Variants in PRKN observed in about 807,000 individuals in gnomAD.
PRKN encodes E3 ubiquitin-protein ligase parkin.
PRKN carries 56 observed loss-of-function variants against 59.5 expected under a neutral mutation model. The ratio of observed to expected loss-of-function variants is 0.94; its 90% CI spans 0.76 to 1.18. The LOEUF (loss-of-function observed/expected upper bound fraction) is 1.18. Ranked by LOEUF, PRKN falls within the 50% of genes most tolerant of loss-of-function variation. The pLI, the probability that PRKN is intolerant of heterozygous loss-of-function variation, is 0.00. For missense variants in PRKN, 657 were observed against 596.4 expected (o/e 1.10, Z -1.06); for synonymous variants, 250 against 222.1 (o/e 1.13, Z -1.12).
chr6:161,485,132 T>A (rs1791590231), intron 9 of PRKN, among the ~76,000 whole-genome samples: 1 of 152,226 alleles, frequency 6.6e-6, no homozygotes, highest in South Asian at 2.1e-4. Context: ...ATAACAAACC[T>A]ATTAATATTC....
chr6:162,695,509 T>C (rs1475142899), intron 1 of PRKN, among the ~76,000 whole-genome samples: 1 of 152,170 alleles, frequency 6.6e-6, no homozygotes, highest in Non-Finnish European at 1.5e-5. Context: ...ACATTATATA[T>C]CTTTACTTAC....
intron 7 of PRKN, among the ~76,000 whole-genome samples, chr6:161,672,693 T>C (rs977707317): frequency 1.3e-5 from 2 of 152,108 alleles, no homozygotes; most frequent in Non-Finnish European, 2.9e-5. Flanking sequence ...GGAGAATCAC[T>C]TGAACCCGGG....
In PRKN at chr6:161,457,837, A is replaced by G. The variant is rs1790041093; in HGVS notation, c.1084-70960T>C. On this transcript the variant is annotated intron_variant, in intron 9 of 11. Coordinates refer to ENST00000366898, the MANE Select transcript of PRKN (RefSeq NM_004562.3). This position sits in a 1 kb window ranked among gnomAD's most constrained non-coding sequence, Gnocchi z 5.0. ...AGTCCAACATTTTGTAGATGACCGC[A>G]CATGTAAGTTAAAGAAATAGTGGCC... Among the ~76,000 whole-genome samples, 1 of 152,224 alleles carries G rather than the reference A, an allele frequency of 6.6e-6. No individual in the cohort carries two copies. The highest frequency in any genetic ancestry group is 2.4e-5 in the African/African-American group (1 of 41,462).
At chr6:162,091,883 AAT>A (rs1779510409) in intron 4 of PRKN, among the ~76,000 whole-genome samples, 1 of 152,082 alleles carries the variant, frequency 6.6e-6, no homozygotes, top group African/African-American at 2.4e-5. Context: ...AAAAATTACA[AAT>A]ATTAGCCGGG....
chr6:161,876,929 T>C (rs1794752467), intron 6 of PRKN, among the ~76,000 whole-genome samples: 1 of 152,190 alleles, frequency 6.6e-6, no homozygotes, highest in African/African-American at 2.4e-5. Context: ...AATTTAATTC[T>C]TATTGAAATA....
intron 7 of PRKN, among the ~76,000 whole-genome samples, chr6:161,590,087 G>C (rs577082005): frequency 7.2e-5 from 11 of 151,892 alleles, no homozygotes; most frequent in Non-Finnish European, 1.2e-4. Context: ...CTGTGCCTGG[G>C]CTAGAGTATT....
At chr6:162,709,901 T>C (rs1174585664) in intron 1 of PRKN, among the ~76,000 whole-genome samples, 3 of 120,444 alleles carry the variant, frequency 2.5e-5, no homozygotes, top group Non-Finnish European at 5.1e-5. Flanking sequence ...GACAGTGGGG[T>C]GTGGTGGGTG....
intron 6 of PRKN, among the ~76,000 whole-genome samples, chr6:161,915,459 T>A (rs9364626): frequency 0.54 from 82,208 of 151,932 alleles, 22,268 homozygotes; most frequent in Middle Eastern, 0.65. Flanking sequence ...AGGCTTGAAA[T>A]CCAAAATAGA....
rs372163340 is a variant in PRKN, at chr6:161,739,508, A to G, written c.871+46264T>C. On this transcript the variant is annotated intron_variant, in intron 7 of 11. Coordinates refer to ENST00000366898, the MANE Select transcript of PRKN (RefSeq NM_004562.3). ...AACGTATTTGCAATATAAAAACTGAAGAGGTGTAATAGCTATTCATACTTA... is the reference window on the plus strand; with the variant it reads ...AACGTATTTGCAATATAAAAACTGAGGAGGTGTAATAGCTATTCATACTTA... Among the ~76,000 whole-genome samples the G allele has an allele frequency of 4.8e-4, 73 of 152,304 alleles. 1 individual carries two copies. In the South Asian group the frequency reaches 0.015, roughly 31 times the overall value.
intron 1 of PRKN, among the ~76,000 whole-genome samples, chr6:162,679,365 A>G (rs1377423146): frequency 6.6e-6 from 1 of 152,104 alleles, no homozygotes; most frequent in Non-Finnish European, 1.5e-5. Flanking sequence ...CGGCCTCCCA[A>G]AATGCTAGAA....
intron 6 of PRKN, among the ~76,000 whole-genome samples, chr6:161,798,159 C>A (rs1333890666): frequency 6.6e-6 from 1 of 152,174 alleles, no homozygotes; most frequent in Non-Finnish European, 1.5e-5. Context: ...TGAGATCGCA[C>A]CACTGCACTC....
intron 7 of PRKN, among the ~76,000 whole-genome samples, chr6:161,650,901 G>T (rs911093837): frequency 6.6e-6 from 1 of 152,154 alleles, no homozygotes; most frequent in East Asian, 1.9e-4. Context: ...TCTAATAATG[G>T]TTATTTGTCA....
At chr6:161,837,810 T>C (rs1419451641) in intron 6 of PRKN, among the ~76,000 whole-genome samples, 1 of 152,212 alleles carries the variant, frequency 6.6e-6, no homozygotes, top group Admixed American at 6.5e-5. Context: ...CATCTGTAAT[T>C]TGCATTGTAT....
At chr6:162,213,866 T>C (rs117836461) in intron 3 of PRKN, among the ~76,000 whole-genome samples, 5,120 of 128,744 alleles carry the variant, frequency 0.04, 141 homozygotes, top group Middle Eastern at 0.12. Context: ...CACATATGAA[T>C]AGTAAGAAGT....
intron 1 of PRKN, among the ~76,000 whole-genome samples, chr6:162,640,671 C>T (rs1041604905): frequency 2.0e-5 from 3 of 152,158 alleles, no homozygotes; most frequent in Admixed American, 2.0e-4. Flanking sequence ...TAAAGTATGT[C>T]TGCTGCTGGA....
At chr6:162,126,917 C>T (rs1781149833) in intron 4 of PRKN, among the ~76,000 whole-genome samples, 2 of 152,172 alleles carry the variant, frequency 1.3e-5, no homozygotes, top group African/African-American at 4.8e-5. Flanking sequence ...TCTCACTGAA[C>T]TGCACTTTGC....
chr6:162,724,665 T>C (rs1423826111), intron 1 of PRKN, among the ~76,000 whole-genome samples: 5 of 152,208 alleles, frequency 3.3e-5, no homozygotes, highest in African/African-American at 1.2e-4. Context: ...AGGCACAGCC[T>C]AGACCCAGGA....
intron 1 of PRKN, among the ~76,000 whole-genome samples, chr6:162,467,503 T>A (rs1791483431): frequency 6.6e-6 from 1 of 152,152 alleles, no homozygotes. Context: ...GTCATCAGTG[T>A]ATCCCTTTAT....
At chr6:162,598,502 A>C (rs1781572754) in intron 1 of PRKN, among the ~76,000 whole-genome samples, 1 of 152,204 alleles carries the variant, frequency 6.6e-6, no homozygotes, top group Non-Finnish European at 1.5e-5. Context: ...AGTAAATAAT[A>C]ATTAGTTCTA....
Sources: gnomAD v4.1 joint callset for allele counts (sites outside exome capture counted in the v4.1 genomes callset) on GRCh38, gnomAD v4.1.1 for gene constraint, Gnocchi (gnomAD v3.1) non-coding constraint, MANE v1.5 for transcripts, NCBI Gene and HGNC (gene_info 2026-07-23, HGNC 2026-07-21) for gene names.